Variants in ZNF560 observed in about 807,000 individuals in gnomAD.
ZNF560 encodes the protein zinc finger protein 560.
A neutral mutation model predicts 81.8 loss-of-function variants in ZNF560; 54 were observed. The observed-to-expected ratio is 0.66, with a 90% CI of 0.53 to 0.83. The LOEUF is 0.83. ZNF560 is among the 40% of genes least tolerant of loss of function. The pLI is 0.00. For missense variants in ZNF560, 940 were observed against 932.4 expected (o/e 1.01, Z -0.11); for synonymous variants, 321 against 317.9 (o/e 1.01, Z -0.10).
At chr19:9,473,413 A>AC (rs1457856813) in intron 4 of ZNF560, among the ~76,000 whole-genome samples, 154 bp from the exon 5 acceptor site, 1 of 152,196 alleles carries the variant, frequency 6.6e-6, no homozygotes, top group African/African-American at 2.4e-5. Context: ...CCCCGTCTCT[A>AC]CTAAAAATAC....
chr19:9,497,752 T>G (rs1313566483), intron 2 of ZNF560, among the ~76,000 whole-genome samples: 1 of 152,172 alleles, frequency 6.6e-6, no homozygotes, highest in Non-Finnish European at 1.5e-5. Context: ...AAAATACACT[T>G]AGTACAGTCA....
intron 5 of ZNF560, 67 bp downstream of exon 5, chr19:9,473,112 A>G: frequency 7.9e-7 from 1 of 1,267,912 alleles, no homozygotes; most frequent in South Asian, 1.2e-5. Flanking sequence ...ACACAAGAAC[A>G]GACTAACACA....
chr19:9,450,183 C>T, the ZNF560 span, among the ~76,000 whole-genome samples: 2 of 140,814 alleles, frequency 1.4e-5, no homozygotes, highest in South Asian at 2.3e-4. Context: ...CTCAACTACT[C>T]GGAAGGCTGA....
intron 2 of ZNF560, among the ~76,000 whole-genome samples, chr19:9,491,359 C>CA (rs1480004641): frequency 6.6e-6 from 1 of 152,028 alleles, no homozygotes; most frequent in African/African-American, 2.4e-5. Context: ...TGGCCTCAAG[C>CA]AATCTGCCTG....
At chr19:9,480,610 A>C (rs1312493947) in intron 2 of ZNF560, among the ~76,000 whole-genome samples, 1 of 152,112 alleles carries the variant, frequency 6.6e-6, no homozygotes, top group Non-Finnish European at 1.5e-5. Context: ...TTTTCTGAAA[A>C]GATGAACAAA....
upstream of ZNF560, among the ~76,000 whole-genome samples, chr19:9,499,719 G>T (rs563838245): frequency 4.6e-5 from 7 of 152,298 alleles, no homozygotes; most frequent in African/African-American, 1.7e-4. Context: ...GTCTTCCTAT[G>T]TGTGAATATA....
At chr19:9,454,895 C>T in the ZNF560 span, among the ~76,000 whole-genome samples, 1 of 152,018 alleles carries the variant, frequency 6.6e-6, no homozygotes, top group Non-Finnish European at 1.5e-5. Context: ...AAGAACAGAT[C>T]CGTCAACCAC....
intron 2 of ZNF560, among the ~76,000 whole-genome samples, chr19:9,493,469 A>T (rs1413035186): frequency 6.6e-6 from 1 of 152,096 alleles, no homozygotes; most frequent in Non-Finnish European, 1.5e-5. Flanking sequence ...GATTCAAGCC[A>T]TTCTCCTGCC....
intron 2 of ZNF560, among the ~76,000 whole-genome samples, chr19:9,497,070 C>A (rs565454019): frequency 7.2e-5 from 11 of 151,762 alleles, no homozygotes; most frequent in Non-Finnish European, 1.5e-4. Context: ...GAGCCAATAT[C>A]ATGCCACCGC....
chr19:9,452,476 A>G, the ZNF560 span, among the ~76,000 whole-genome samples: 1 of 152,238 alleles, frequency 6.6e-6, no homozygotes, highest in African/African-American at 2.4e-5. Context: ...CAATATTCAC[A>G]ATGGCAAAGA....
At chr19:9,459,012 G>T in the ZNF560 span, among the ~76,000 whole-genome samples, 1 of 152,192 alleles carries the variant, frequency 6.6e-6, no homozygotes, top group African/African-American at 2.4e-5. Context: ...GCAGTGTTTT[G>T]TGGTGATGGG....
At chr19:9,505,675 ATTTTG>A in the ZNF560 span, among the ~76,000 whole-genome samples, 4 of 151,454 alleles carry the variant, frequency 2.6e-5, no homozygotes, top group African/African-American at 4.9e-5. Context: ...ATTTTCATTG[ATTTTG>A]TTTTGTTTTG....
In ZNF560 at chr19:9,474,266, C is replaced by T; in HGVS notation, c.90G>A (p.Leu30=). Reference sequence around the variant, plus strand: ...TGTATAAGTTTCTCTGAACTGGGTCCAGTAAAATCCACTCCTCCTGGGTGA... The same window carrying T: ...TGTATAAGTTTCTCTGAACTGGGTCTAGTAAAATCCACTCCTCCTGGGTGA... ...VDFTQEEWIL[L]DPVQRNLYRD... is the part of the protein sequence containing the mutation. The change falls in exon 4 of 10, where the codon CTG becomes CTA. Residue 30 remains leucine, a synonymous_variant. Coordinates refer to ENST00000301480, the MANE Select transcript of ZNF560 (RefSeq NM_152476.3). The T allele has an allele frequency of 1.2e-6, 2 of 1,614,140 alleles. No individual in the cohort carries two copies. Among genetic ancestry groups the T allele is most frequent in the Non-Finnish European group, 1.7e-6 (2 of 1,179,996 alleles).
chr19:9,469,568 T>C (rs917227503), intron 8 of ZNF560, 62 bp downstream of exon 8: 46 of 1,476,586 alleles, frequency 3.1e-5, no homozygotes, highest in Middle Eastern at 1.7e-4. Flanking sequence ...TAAAACTTCA[T>C]TGTGCTTCCA....
At chr19:9,504,782 A>T in the ZNF560 span, among the ~76,000 whole-genome samples, 1 of 151,874 alleles carries the variant, frequency 6.6e-6, no homozygotes, top group Non-Finnish European at 1.5e-5. Flanking sequence ...CTAATTTTTA[A>T]TTTTTTTAAG....
At chr19:9,503,204 A>G (rs1040531578), upstream of ZNF560, among the ~76,000 whole-genome samples, 42 of 152,152 alleles carry the variant, frequency 2.8e-4, no homozygotes, top group African/African-American at 9.2e-4. Context: ...TTGGGGGACC[A>G]GAGCCAGACC....
chr19:9,501,624 G>A (rs2073634160), upstream of ZNF560, among the ~76,000 whole-genome samples: 1 of 150,856 alleles, frequency 6.6e-6, no homozygotes, highest in South Asian at 2.1e-4. Context: ...GCCTCCGAAA[G>A]TGCTGGGATT....
rs546966935 is a variant in ZNF560 at position 9,479,511 on chromosome 19, T to C, written c.-56-4142A>G. On this transcript the variant is annotated intron_variant, in intron 2 of 9. Transcript: ENST00000301480. ...CCGTAACAGGACACAAAGGTCGTTA[T>C]ATGATAATAAAGGAATCTACCAATC... 4.9e-4 allele frequency among the ~76,000 whole-genome samples: 75 copies of C among 152,310 alleles called. 1 individual carries two copies. The Middle Eastern group carries it at 0.01, about 21-fold the overall frequency.
At chr19:9,453,064 A>C in the ZNF560 span, among the ~76,000 whole-genome samples, 102 of 152,300 alleles carry the variant, frequency 6.7e-4, no homozygotes, top group Non-Finnish European at 1.3e-3. Context: ...GGGGGCTTCT[A>C]GAGGTAATTA....
Sources: gnomAD v4.1 joint callset for allele counts (sites outside exome capture counted in the v4.1 genomes callset) on GRCh38, gnomAD v4.1.1 for gene constraint, MANE v1.5 for transcripts, NCBI Gene and HGNC (gene_info 2026-07-23, HGNC 2026-07-21) for gene names.